The following C22orf39 variants were observed in gnomAD, a reference collection of about 807,000 sequenced individuals.
The protein encoded by C22orf39 is synaptic plasticity regulator PANTS.
Under a neutral mutation model 18.3 loss-of-function variants are expected in C22orf39, and 20 were observed. That is an observed-to-expected ratio of 1.09 (90% CI 0.77 to 1.59). The LOEUF is 1.59. C22orf39 is among the 40% of genes most tolerant of loss of function. The pLI is 0.00. For synonymous variants in C22orf39, 63 were observed against 59.6 expected (o/e 1.06, Z -0.26); for missense variants, 195 against 156.1 (o/e 1.25, Z -1.33).
Position 19,443,981 on chromosome 22 carries a change from T to A in C22orf39, c.*284A>T. On this transcript the variant is annotated 3_prime_UTR_variant, in exon 3 of 3. Transcript: ENST00000399562. ...AGGACCGCCATCTCCTATGCTACCA[T>A]GCCCAGCCTGACCTGGCTGCTCACA... The A allele has an allele frequency of 8.5e-7, 1 of 1,174,692 alleles. No individual in the cohort carries two copies. Among genetic ancestry groups the A allele is most frequent in the Non-Finnish European group, 1.1e-6 (1 of 950,798 alleles). 72.8% of individuals were successfully genotyped at this position (1,174,692 alleles called of 1,614,324 possible).
chr22:19,447,268 G>C, intron 2 of C22orf39, 110 bp downstream of exon 2: 1 of 1,161,222 alleles, frequency 8.6e-7, no homozygotes, highest in South Asian at 1.9e-5. Flanking sequence ...GAGGAGGATA[G>C]GGACCCCGTC....
chr22:19,446,949 G>C (rs2089643506), intron 2 of C22orf39, among the ~76,000 whole-genome samples: 2 of 152,122 alleles, frequency 1.3e-5, no homozygotes, highest in Non-Finnish European at 1.5e-5. Context: ...CGTATCAAAA[G>C]GCCCGCCAGG....
In C22orf39 at chr22:19,444,000, G is replaced by A; in HGVS notation, c.*265C>T. 1.7e-6 allele frequency: 2 copies of A among 1,209,596 alleles called. No individual in the cohort carries two copies. The highest frequency in any genetic ancestry group is 2.1e-6 in the Non-Finnish European group (2 of 972,944). 74.9% of individuals were successfully genotyped at this position (1,209,596 alleles called of 1,614,324 possible). ...CTACCATGCCCAGCCTGACCTGGCT[G>A]CTCACAAGTACCTGCCATAATGCTT... On this transcript the variant is annotated 3_prime_UTR_variant, in exon 3 of 3. Coordinates refer to ENST00000399562, the MANE Select transcript of C22orf39 (RefSeq NM_173793.5).
Position 19,444,279 on chromosome 22 carries a change from C to A in C22orf39, c.304G>T (p.Glu102Ter), listed in dbSNP as rs756999666. 1.9e-6 allele frequency: 3 copies of A among 1,587,832 alleles called. No individual in the cohort carries two copies. In the East Asian group the frequency reaches 6.9e-5, roughly 37 times the overall value. ...AGGGATGCTTGTCACTCGTCCTTCT[C>A]CTGTGGCAGAGGGAGATGCCAGTCT... The part of the protein sequence containing the change: ...PPDWHLPLPQ[E>*]KDE Residue 102 changes from glutamate (E) to a stop codon, truncating the protein, a stop_gained, in exon 3 of 3, where the codon GAG becomes TAG. Transcript: ENST00000399562. LOFTEE classifies it high-confidence loss of function.
At chr22:19,446,811 T>A (rs538450997) in intron 2 of C22orf39, among the ~76,000 whole-genome samples, 2 of 152,142 alleles carry the variant, frequency 1.3e-5, no homozygotes, top group East Asian at 3.9e-4. Context: ...TAGGCGATCC[T>A]CCCGCCTCAC....
chr22:19,445,331 G>C (rs989770100), intron 2 of C22orf39, among the ~76,000 whole-genome samples: 1 of 152,122 alleles, frequency 6.6e-6, no homozygotes, highest in African/African-American at 2.4e-5. Context: ...GGAGATGACC[G>C]ACCATTCTTT....
At position 19,444,313 on chromosome 22, in the gene C22orf39, G is replaced by A. The variant is rs774844853; in HGVS notation, c.270C>T (p.Ser90=). The change falls in exon 3 of 3, where the codon AGC becomes AGT. Residue 90 remains serine (S), a synonymous_variant. Transcript: ENST00000399562. ...KHILVWAPRQ[S]PPPDWHLPLP... Reference sequence around the variant, plus strand: ...GAGGGAGATGCCAGTCTGGAGGGGGGCTCTGCCTCGGGGCCCACACCAGGA... The same window carrying A: ...GAGGGAGATGCCAGTCTGGAGGGGGACTCTGCCTCGGGGCCCACACCAGGA... 2 of 1,601,112 alleles carry A rather than the reference G, an allele frequency of 1.2e-6. No individual in the cohort carries two copies. Among genetic ancestry groups the A allele is most frequent in the Admixed American group, 1.7e-5 (1 of 57,460 alleles).
chr22:19,447,238 T>C, intron 2 of C22orf39, 140 bp downstream of exon 2: 1 of 931,524 alleles, frequency 1.1e-6, no homozygotes, highest in South Asian at 2.1e-5. Flanking sequence ...TTACACAATC[T>C]CTCAAAAGAA....
intron 2 of C22orf39, among the ~76,000 whole-genome samples, chr22:19,445,865 G>A (rs2089636776): frequency 1.3e-5 from 2 of 152,258 alleles, no homozygotes; most frequent in South Asian, 4.1e-4. Flanking sequence ...AGTAGAGATG[G>A]GGTTTCGCCA....
chr22:19,444,001 C>A lies in C22orf39; in HGVS notation c.*264G>T. On this transcript the variant is annotated 3_prime_UTR_variant, in exon 3 of 3. Transcript: ENST00000399562. ...TACCATGCCCAGCCTGACCTGGCTG[C>A]TCACAAGTACCTGCCATAATGCTTG... 8.3e-7 allele frequency: 1 copy of A among 1,211,202 alleles called. No individual in the cohort carries two copies. The highest frequency in any genetic ancestry group is 1.0e-6 in the Non-Finnish European group (1 of 973,980). 75.0% of individuals were successfully genotyped at this position (1,211,202 alleles called of 1,614,324 possible).
rs1297184833 is a variant in C22orf39 at position 19,443,191 on chromosome 22, T to TA, written c.*1073dup. Reference sequence around the variant, plus strand: ...TTTAATGGACACCCTTCTAACGTGATAGATTATTCTGCCCCAAAGAACAAA... The same window carrying TA: ...TTTAATGGACACCCTTCTAACGTGATAAGATTATTCTGCCCCAAAGAACAAA... On this transcript the variant is annotated 3_prime_UTR_variant, in exon 3 of 3. Coordinates refer to ENST00000399562, the MANE Select transcript of C22orf39 (RefSeq NM_173793.5). The TA allele has an allele frequency of 2.0e-6, 2 of 984,718 alleles. No homozygotes were observed. Among genetic ancestry groups the TA allele is most frequent in the Non-Finnish European group, 2.4e-6 (2 of 829,890 alleles). 61.0% of individuals were successfully genotyped at this position (984,718 alleles called of 1,614,324 possible).
chr22:19,443,311 G>A lies in C22orf39; in HGVS notation c.*954C>T. 1 of 985,438 alleles carries A rather than the reference G, an allele frequency of 1.0e-6. No individual in the cohort carries two copies. The highest frequency in any genetic ancestry group is 1.2e-6 in the Non-Finnish European group (1 of 829,928). 61.0% of individuals were successfully genotyped at this position (985,438 alleles called of 1,614,324 possible). On this transcript the variant is annotated 3_prime_UTR_variant, in exon 3 of 3. Transcript: ENST00000399562. ...CTAGCCCTCAGCATCACACAACAGGGCCACCATAGGATGAGAAACCATTCT... is the reference window on the plus strand; with the variant it reads ...CTAGCCCTCAGCATCACACAACAGGACCACCATAGGATGAGAAACCATTCT...
chr22:19,447,370 C>T lies in C22orf39; in HGVS notation c.192+8G>A. Reference sequence around the variant, plus strand: ...TCCGAAGCGCCGCCCCGCTCCCTCCCGGCGCACCTGGGCCTCGGCGTTCCG... The same window carrying T: ...TCCGAAGCGCCGCCCCGCTCCCTCCTGGCGCACCTGGGCCTCGGCGTTCCG... On this transcript the variant is annotated splice_region_variant and intron_variant, in intron 2 of 2. Transcript: ENST00000399562. 6.7e-7 allele frequency: 1 copy of T among 1,483,990 alleles called. No individual in the cohort carries two copies. The highest frequency in any genetic ancestry group is 2.4e-4 in the Middle Eastern group (1 of 4,214). The allele number at this position is 1,483,990 out of a possible 1,614,324, so 91.9% of individuals were successfully genotyped here.
intron 2 of C22orf39, 22 bp from the exon 3 acceptor site, chr22:19,444,412 C>G (rs1391900877): frequency 6.3e-7 from 1 of 1,591,414 alleles, no homozygotes; most frequent in South Asian, 1.1e-5. Flanking sequence ...AGACTCTAGT[C>G]ACTCCCCAGG....
At chr22:19,444,452 C>T (rs1366710987) in intron 2 of C22orf39, 62 bp from the exon 3 acceptor site, 1 of 1,529,038 alleles carries the variant, frequency 6.5e-7, no homozygotes, top group South Asian at 1.2e-5. Context: ...CCCTGTACCT[C>T]CCCCCTCTCA....
rs1435387140 is a variant in C22orf39, at chr22:19,441,170, A to T, written c.*3095T>A. 6.4e-6 allele frequency: 1 copy of T among 155,744 alleles called. No individual in the cohort carries two copies. Among genetic ancestry groups the T allele is most frequent in the Non-Finnish European group, 1.4e-5 (1 of 70,408 alleles). 9.6% of individuals were successfully genotyped at this position (155,744 alleles called of 1,614,324 possible). ...CAGTCAGGCTGACAGATGGTTTTCA[A>T]CACCACAGGACTCCCTCGTATGAAC... On this transcript the variant is annotated 3_prime_UTR_variant, in exon 3 of 3. Coordinates refer to ENST00000399562, the MANE Select transcript of C22orf39 (RefSeq NM_173793.5).
chr22:19,446,929 C>T (rs536324540), intron 2 of C22orf39, among the ~76,000 whole-genome samples: 1 of 152,302 alleles, frequency 6.6e-6, no homozygotes, highest in South Asian at 2.1e-4. Flanking sequence ...TTAGACTAAA[C>T]TCTAAACTCC....
rs2089609708 is a variant in C22orf39 at position 19,441,043 on chromosome 22, T to C, written c.*3222A>G. On this transcript the variant is annotated 3_prime_UTR_variant, in exon 3 of 3. Transcript: ENST00000399562. ...ATCAGGACGCAGAAATTGACATTGG[T>C]ACAGTCTACAGAACATACTCAGTTT... 6.6e-6 allele frequency: 1 copy of C among 152,588 alleles called. No homozygotes were observed. Among genetic ancestry groups the C allele is most frequent in the African/African-American group, 2.4e-5 (1 of 41,560 alleles). The allele number at this position is 152,588 out of a possible 1,614,324, so 9.5% of individuals were successfully genotyped here.
Position 19,447,244 on chromosome 22 carries a change from A to G in C22orf39, c.192+134T>C, listed in dbSNP as rs1053624725. On this transcript the variant is annotated intron_variant, in intron 2 of 2. Transcript: ENST00000399562. Reference sequence around the variant, plus strand: ...TATGCTAATTTACACAATCTCTCAAAAGAAAGGAAGCGTGAGGAGGATAGG... The same window carrying G: ...TATGCTAATTTACACAATCTCTCAAGAGAAAGGAAGCGTGAGGAGGATAGG... The G allele has an allele frequency of 3.0e-6, 3 of 988,248 alleles. No homozygotes were observed. In the South Asian group the frequency reaches 6.3e-5, roughly 21 times the overall value. 61.2% of individuals were successfully genotyped at this position (988,248 alleles called of 1,614,324 possible).
Sources: allele counts gnomAD v4.1 joint callset (sites outside exome capture counted in the v4.1 genomes callset), GRCh38; gene constraint gnomAD v4.1.1; transcripts MANE v1.5; gene names NCBI Gene and HGNC (gene_info 2026-07-23, HGNC 2026-07-21).